The following ATP9A variants were observed in gnomAD, a reference collection of about 807,000 sequenced individuals.
ATP9A encodes probable phospholipid-transporting ATPase IIA.
Under a neutral mutation model 144.1 loss-of-function variants are expected in ATP9A, and 52 were observed. The observed-to-expected ratio is 0.36, with a 90% confidence interval of 0.29 to 0.45. The LOEUF (loss-of-function observed/expected upper bound fraction) is 0.45, where lower values mean the gene tolerates loss of function less well. Among genes scored for constraint, ATP9A ranks in the 20% least tolerant of loss-of-function variants. ATP9A has a pLI of 1.00. For synonymous variants in ATP9A, 582 were observed against 557.4 expected, an observed-to-expected ratio of 1.04 and a Z score of -0.62; for missense variants, 947 against 1,392.7, an observed-to-expected ratio of 0.68 and a Z score of 5.09.
rs1322373069 is a variant in ATP9A, at chr20:51,597,270, C to T, written c.*3941G>A. 6 of 152,108 alleles carry T rather than the reference C, an allele frequency of 3.9e-5. No homozygotes were observed. The highest frequency in any genetic ancestry group is 8.8e-5 in the Non-Finnish European group (6 of 68,034). The allele number at this position is 152,108 out of a possible 1,614,324, so 9.4% of individuals were successfully genotyped here. A position where few individuals can be genotyped will look rare whatever the true frequency, so the allele number is the denominator to read the frequency against. On this transcript the variant is annotated 3_prime_UTR_variant, in exon 28 of 28. Coordinates refer to ENST00000338821, the MANE Select transcript of ATP9A (RefSeq NM_006045.3). The stretch of plus-strand genomic sequence containing the variant: ...CCAGGTGGAGGAGCTGCTCACGCTG[C>T]AGGATGCTTTGCAGGTTCATTCAAA...
rs2077123029 is a variant in ATP9A, at chr20:51,597,227, A to G, written c.*3984T>C. 1 of 152,212 alleles carries G rather than the reference A, an allele frequency of 6.6e-6. No homozygotes were observed. Among genetic ancestry groups the G allele is most frequent in the African/African-American group, 2.4e-5 (1 of 41,458 alleles). The allele number at this position is 152,212 out of a possible 1,614,324, so 9.4% of individuals were successfully genotyped here. On this transcript the variant is annotated 3_prime_UTR_variant, in exon 28 of 28. Coordinates refer to ENST00000338821, the MANE Select transcript of ATP9A (RefSeq NM_006045.3). ...TCACGGGTAATGCCGCTTTGGCCTG[A>G]GAAGATGCTTCGGAGCTCCAGGTGG...
intron 1 of ATP9A, among the ~76,000 whole-genome samples, chr20:51,747,805 G>A (rs571143087): frequency 7.2e-5 from 11 of 152,254 alleles, no homozygotes; most frequent in Non-Finnish European, 1.5e-4. Context: ...ACAGCTATCA[G>A]ACTCAAGTCC....
chr20:51,659,970 A>G (rs1321431119), intron 13 of ATP9A, among the ~76,000 whole-genome samples: 1 of 152,250 alleles, frequency 6.6e-6, no homozygotes, highest in East Asian at 1.9e-4. Context: ...TCCGGTTTAA[A>G]TGAATCATTA....
intron 1 of ATP9A, among the ~76,000 whole-genome samples, chr20:51,730,927 G>C (rs1568839961): frequency 6.6e-6 from 1 of 152,196 alleles, no homozygotes; most frequent in Non-Finnish European, 1.5e-5. Flanking sequence ...CCAACACTTT[G>C]GGAGGCCAAA....
intron 9 of ATP9A, among the ~76,000 whole-genome samples, chr20:51,680,428 C>G (rs531209745): frequency 2.6e-5 from 4 of 151,986 alleles, no homozygotes; most frequent in Non-Finnish European, 5.9e-5. Context: ...TGTTCCTCAA[C>G]CTGGGCTCTG....
At chr20:51,724,453 C>T (rs1425722558) in intron 3 of ATP9A, among the ~76,000 whole-genome samples, 1 of 152,240 alleles carries the variant, frequency 6.6e-6, no homozygotes, top group Non-Finnish European at 1.5e-5. Context: ...AGGCCTTTCA[C>T]AGCCACACAG....
intron 7 of ATP9A, among the ~76,000 whole-genome samples, chr20:51,692,630 T>C (rs1309230635): frequency 6.6e-6 from 1 of 152,108 alleles, no homozygotes; most frequent in South Asian, 2.1e-4. Context: ...GGTGAAACCG[T>C]GTCTCTACTA....
intron 4 of ATP9A, among the ~76,000 whole-genome samples, chr20:51,708,556 G>A (rs746291963): frequency 2.6e-5 from 4 of 151,740 alleles, no homozygotes; most frequent in African/African-American, 7.3e-5. Flanking sequence ...CCAATATGGC[G>A]AAACCTCGTC....
chr20:51,616,617 C>A (rs2077203895), intron 22 of ATP9A, among the ~76,000 whole-genome samples: 1 of 152,228 alleles, frequency 6.6e-6, no homozygotes, highest in Admixed American at 6.5e-5. Context: ...CCGCTTCCAG[C>A]CCTTCACACA....
At chr20:51,641,301 G>C (rs1020614733) in intron 14 of ATP9A, among the ~76,000 whole-genome samples, 1 of 152,060 alleles carries the variant, frequency 6.6e-6, no homozygotes, top group Non-Finnish European at 1.5e-5. Flanking sequence ...AGAAGTTGCA[G>C]TGAGTAGAGA....
At chr20:51,651,781 T>A (rs757993743) in intron 14 of ATP9A, among the ~76,000 whole-genome samples, 3 of 151,820 alleles carry the variant, frequency 2.0e-5, no homozygotes, top group African/African-American at 7.3e-5. Flanking sequence ...ATATAAAAAT[T>A]AACCAGGCAT....
chr20:51,634,902 A>G (rs2077284556), intron 15 of ATP9A, among the ~76,000 whole-genome samples: 1 of 151,010 alleles, frequency 6.6e-6, no homozygotes, highest in Admixed American at 6.6e-5. Flanking sequence ...AAGCATATTC[A>G]TGGTGTGCGT....
At chr20:51,696,194 G>A (rs1341122134) in intron 5 of ATP9A, 50 bp from the exon 6 acceptor site, 5 of 1,581,782 alleles carry the variant, frequency 3.2e-6, no homozygotes, top group South Asian at 2.2e-5. Flanking sequence ...ACCGTGTGCT[G>A]TGCGGTGGGG....
intron 20 of ATP9A, 51 bp from the exon 21 acceptor site, chr20:51,618,857 T>G (rs1478845904): frequency 6.3e-7 from 1 of 1,581,292 alleles, no homozygotes; most frequent in Non-Finnish European, 8.6e-7. Flanking sequence ...AGGTGGTGCG[T>G]TGGTGGAGGT....
intron 13 of ATP9A, among the ~76,000 whole-genome samples, chr20:51,669,550 A>C (rs2077447175): frequency 6.6e-6 from 1 of 152,204 alleles, no homozygotes; most frequent in Non-Finnish European, 1.5e-5. Context: ...ATAGCCAGGG[A>C]AAGGGAAAAC....
chr20:51,614,543 C>T (rs1207262968), intron 22 of ATP9A, among the ~76,000 whole-genome samples: 3 of 152,054 alleles, frequency 2.0e-5, no homozygotes, highest in Non-Finnish European at 2.9e-5. Flanking sequence ...TCAAGCCATC[C>T]GCCCACCTCA....
intron 4 of ATP9A, among the ~76,000 whole-genome samples, chr20:51,705,829 C>A (rs1251254652): frequency 6.6e-6 from 1 of 152,234 alleles, no homozygotes; most frequent in Non-Finnish European, 1.5e-5. Context: ...ACCCAATTCT[C>A]TTGAGTAACA....
intron 9 of ATP9A, among the ~76,000 whole-genome samples, chr20:51,687,063 A>G (rs534230084): frequency 3.9e-4 from 59 of 152,306 alleles, no homozygotes; most frequent in African/African-American, 1.3e-3. Flanking sequence ...ATCAAAGAAT[A>G]AAAAGAGTAA....
At chr20:51,628,934 A>C (rs1196180308) in intron 16 of ATP9A, 46 bp downstream of exon 16, 1 of 1,535,738 alleles carries the variant, frequency 6.5e-7, no homozygotes, top group Non-Finnish European at 9.0e-7. Flanking sequence ...CTGCCTCTGC[A>C]GAACATGCTT....
Sources: allele counts gnomAD v4.1 joint callset (sites outside exome capture counted in the v4.1 genomes callset), GRCh38; gene constraint gnomAD v4.1.1; transcripts MANE v1.5; gene names NCBI Gene and HGNC (gene_info 2026-07-23, HGNC 2026-07-21).